The following LRP1B variants were observed in gnomAD, a reference collection of about 807,000 sequenced individuals.
LRP1B encodes LDL receptor related protein 1B, also known as low-density lipoprotein receptor-related protein 1B.
In LRP1B, 217 loss-of-function variants were observed where a neutral mutation model predicts 556.6. The ratio of observed to expected loss-of-function variants is 0.39; its 90% CI spans 0.35 to 0.44. LRP1B has a LOEUF of 0.44. Ranked by LOEUF, LRP1B falls within the 20% of genes least tolerant of loss-of-function variation. LRP1B has a pLI of 1.00. For missense variants in LRP1B, 5,053 were observed against 5,620.8 expected, an observed-to-expected ratio of 0.90 and a Z score of 3.23; for synonymous variants, 2,047 against 1,865.8, an observed-to-expected ratio of 1.10 and a Z score of -2.50.
At chr2:141,757,563 A>T (rs1381771780) in intron 2 of LRP1B, among the ~76,000 whole-genome samples, 1 of 150,844 alleles carries the variant, frequency 6.6e-6, no homozygotes, top group East Asian at 1.9e-4. Flanking sequence ...AACTATAACT[A>T]ATTTTTTTTG....
chr2:141,374,989 G>C (rs1309513729), intron 3 of LRP1B, among the ~76,000 whole-genome samples: 1 of 152,108 alleles, frequency 6.6e-6, no homozygotes, highest in Non-Finnish European at 1.5e-5. Flanking sequence ...ATCTGGTGTA[G>C]CAGTCATTTG....
At chr2:140,618,261 TA>T (rs1455905235) in intron 41 of LRP1B, among the ~76,000 whole-genome samples, 1 of 151,928 alleles carries the variant, frequency 6.6e-6, no homozygotes, top group East Asian at 1.9e-4. Context: ...GAAGGTTTTA[TA>T]GAAATGAGGG....
chr2:140,803,908 T>C (rs866663388), intron 32 of LRP1B, among the ~76,000 whole-genome samples: 64 of 28,936 alleles, frequency 2.2e-3, no homozygotes, highest in Non-Finnish European at 3.6e-3. Flanking sequence ...AAGAAAGATA[T>C]GACAAAAGCA....
intron 1 of LRP1B, among the ~76,000 whole-genome samples, chr2:142,060,043 T>C (rs1292048511): frequency 6.6e-6 from 1 of 152,090 alleles, no homozygotes; most frequent in Non-Finnish European, 1.5e-5. Flanking sequence ...AAGCAGAAGA[T>C]GAAAACTCGG....
At chr2:141,028,467 T>G (rs1376893773) in intron 11 of LRP1B, among the ~76,000 whole-genome samples, 1 of 151,896 alleles carries the variant, frequency 6.6e-6, no homozygotes, top group East Asian at 1.9e-4. Context: ...AAAATTGTAA[T>G]CTAAAATTTT....
chr2:140,910,901 C>T (rs1694399683), intron 21 of LRP1B, among the ~76,000 whole-genome samples: 1 of 151,858 alleles, frequency 6.6e-6, no homozygotes, highest in Non-Finnish European at 1.5e-5. Flanking sequence ...GTCAACTCTT[C>T]ACCACAGTAA....
intron 2 of LRP1B, among the ~76,000 whole-genome samples, chr2:141,599,452 G>A (rs1420606705): frequency 1.3e-5 from 2 of 151,882 alleles, no homozygotes; most frequent in Admixed American, 6.6e-5. Context: ...CTAACCCCCC[G>A]CCACTGCAGG....
At chr2:140,975,995 G>A (rs971892261) in intron 18 of LRP1B, among the ~76,000 whole-genome samples, 1 of 151,892 alleles carries the variant, frequency 6.6e-6, no homozygotes. Flanking sequence ...ATGGCTCACT[G>A]CAGCCTCAAC....
chr2:140,309,758 T>C (rs1419989471), intron 83 of LRP1B, among the ~76,000 whole-genome samples: 1 of 151,804 alleles, frequency 6.6e-6, no homozygotes, highest in Non-Finnish European at 1.5e-5. Context: ...AATACAAAAG[T>C]ATAAAGAAAG....
At chr2:141,503,322 T>C (rs1374754663) in intron 2 of LRP1B, among the ~76,000 whole-genome samples, 4 of 149,664 alleles carry the variant, frequency 2.7e-5, no homozygotes, top group Non-Finnish European at 5.9e-5. Context: ...AGGAAATATA[T>C]ATATTTCCAG....
intron 51 of LRP1B, among the ~76,000 whole-genome samples, chr2:140,511,376 A>G (rs570896723): frequency 7.6e-6 from 1 of 131,904 alleles, no homozygotes; most frequent in South Asian, 2.4e-4. Context: ...GTCTCGGCTC[A>G]ATGCAAGCTC....
intron 3 of LRP1B, among the ~76,000 whole-genome samples, chr2:141,261,553 G>A (rs1414080346): frequency 6.6e-6 from 1 of 151,908 alleles, no homozygotes. Flanking sequence ...TCACTGATTG[G>A]TTTTTATCTC....
At chr2:140,348,418 A>G (rs1326321354) in intron 77 of LRP1B, among the ~76,000 whole-genome samples, 1 of 152,056 alleles carries the variant, frequency 6.6e-6, no homozygotes, top group East Asian at 1.9e-4. Flanking sequence ...CTCATGGCTC[A>G]GAGGTTCCAA....
chr2:141,694,701 G>T (rs77099010), intron 2 of LRP1B, among the ~76,000 whole-genome samples: 6,226 of 151,100 alleles, frequency 0.041, 173 homozygotes, highest in East Asian at 0.093. Flanking sequence ...AACAAATGGT[G>T]CTCTTTAGAA....
intron 1 of LRP1B, among the ~76,000 whole-genome samples, chr2:141,947,293 TG>T (rs1700978643): frequency 6.6e-6 from 1 of 151,812 alleles, no homozygotes; most frequent in Non-Finnish European, 1.5e-5. Flanking sequence ...AAAAATTAGC[TG>T]GGTGTGGTGG....
intron 79 of LRP1B, among the ~76,000 whole-genome samples, chr2:140,326,991 A>AATATGT (rs1182771325): frequency 1.1e-4 from 17 of 152,246 alleles, no homozygotes; most frequent in South Asian, 4.1e-4. Context: ...ATGGAAGAGT[A>AATATGT]ATATGTATGA....
chr2:140,689,176 C>A (rs1686153153), intron 41 of LRP1B, among the ~76,000 whole-genome samples: 1 of 152,202 alleles, frequency 6.6e-6, no homozygotes, highest in Admixed American at 6.5e-5. Flanking sequence ...AGACGAACTG[C>A]AACCTAACTT....
chr2:140,491,449 G>C (rs1688696582), intron 57 of LRP1B, among the ~76,000 whole-genome samples: 1 of 151,942 alleles, frequency 6.6e-6, no homozygotes, highest in Non-Finnish European at 1.5e-5. Context: ...TAGAAAATAT[G>C]TGTCTGATGC....
chr2:141,391,385 G>C (rs1202602328), intron 3 of LRP1B, among the ~76,000 whole-genome samples: 1 of 152,146 alleles, frequency 6.6e-6, no homozygotes, highest in Non-Finnish European at 1.5e-5. Context: ...CAGAATGTCA[G>C]GTTAAGGTAG....
Sources: allele counts gnomAD v4.1 joint callset (sites outside exome capture counted in the v4.1 genomes callset), GRCh38; gene constraint gnomAD v4.1.1; transcripts MANE v1.5; gene names NCBI Gene and HGNC (gene_info 2026-07-23, HGNC 2026-07-21).